PAX6: variants seen among roughly 807,000 people sequenced by gnomAD.
PAX6 encodes paired box 6, also known as paired box protein Pax-6.
In PAX6, 7 loss-of-function variants were observed where a neutral mutation model predicts 60.7. The observed-to-expected ratio is 0.12, with a 90% CI of 0.07 to 0.22. The LOEUF is 0.22. PAX6 is among the 10% of genes least tolerant of loss of function. The pLI is 1.00. For missense variants in PAX6, 355 were observed against 555.2 expected, an observed-to-expected ratio of 0.64 and a Z score of 3.62; for synonymous variants, 208 against 201.2, an observed-to-expected ratio of 1.03 and a Z score of -0.29.
intron 8 of PAX6, 76 bp downstream of exon 8, chr11:31,800,615 A>C (rs992250333): frequency 6.5e-7 from 1 of 1,541,732 alleles, no homozygotes; most frequent in East Asian, 2.2e-5. Flanking sequence ...CCCTGAGAGG[A>C]AATGGTTGGG....
At chr11:31,808,068 TA>T (rs1228897199) in intron 2 of PAX6, 4 of 151,978 alleles carry the variant, frequency 2.6e-5, no homozygotes, top group African/African-American at 9.7e-5. Flanking sequence ...AGAGTTACAA[TA>T]AAGAGCCCAT....
chr11:31,801,939 G>A lies in PAX6; in HGVS notation c.142-27C>T, dbSNP rs770956365. 1.9e-6 allele frequency: 3 copies of A among 1,595,070 alleles called. No homozygotes were observed. The East Asian group carries it at 6.7e-5, about 36-fold the overall frequency. ...TATAACACAAAAATATACCTTCAAT[G>A]GTATGAGAACTTACTGTAGAGAGCT... is the stretch of plus-strand genomic sequence containing the variant. On this transcript the variant is annotated intron_variant, in intron 5 of 13. Transcript: ENST00000640368.
chr11:31,816,417 C>A (rs1565287472), intron 1 of PAX6: 6 of 626,952 alleles, frequency 9.6e-6, no homozygotes, highest in African/African-American at 1.8e-5. Flanking sequence ...GGGCGCGGAG[C>A]GAGGACTCTG....
At chr11:31,791,058 C>T (rs1304954858) in intron 12 of PAX6, 198 bp from the exon 13 acceptor site, 1 of 700,544 alleles carries the variant, frequency 1.4e-6, no homozygotes, top group South Asian at 1.5e-5. Context: ...TAGAAGAAAG[C>T]TGCCTATGTA....
At chr11:31,792,981 A>G (rs1432145241) in intron 12 of PAX6, 12 of 437,500 alleles carry the variant, frequency 2.7e-5, no homozygotes, top group Non-Finnish European at 4.5e-5. Context: ...TTTCTTTCTC[A>G]CTAGTTTATC....
chr11:31,791,246 C>G (rs1414065510), intron 12 of PAX6: 1 of 363,918 alleles, frequency 2.7e-6, no homozygotes, highest in African/African-American at 2.1e-5. Context: ...ATTTGGGAAC[C>G]CTATGACCCC....
rs1956957500 is a variant in PAX6, at chr11:31,811,010, A to G, written c.-311T>C. 1 of 399,330 alleles carries G rather than the reference A, an allele frequency of 2.5e-6. No homozygotes were observed. Among genetic ancestry groups the G allele is most frequent in the African/African-American group, 2.1e-5 (1 of 48,766 alleles). The allele number at this position is 399,330 out of a possible 1,614,324, so 24.7% of individuals were successfully genotyped here. A position where few individuals can be genotyped will look rare whatever the true frequency, so the allele number is the denominator to read the frequency against. On this transcript the variant is annotated 5_prime_UTR_variant, in exon 2 of 14. Coordinates refer to ENST00000640368, the MANE Select transcript of PAX6 (RefSeq NM_001368894.2). ...GGGTTGGTGTGTGAGAGCAATTCTC[A>G]GATTCCTGGGAAGGAGACAGAGATT... is the stretch of plus-strand genomic sequence containing the variant.
At chr11:31,802,439 T>C (rs1450696921) in intron 5 of PAX6, 1 of 468,582 alleles carries the variant, frequency 2.1e-6, no homozygotes, top group African/African-American at 2.0e-5. Context: ...AAGAGAAAGA[T>C]TTTTTTAAAA....
intron 12 of PAX6, chr11:31,791,536 G>A (rs1333816925): frequency 1.9e-5 from 3 of 155,842 alleles, no homozygotes; most frequent in Non-Finnish European, 4.3e-5. Flanking sequence ...GCAGCACTGA[G>A]GAGGTAAACC....
chr11:31,798,959 G>C (rs775046344), intron 8 of PAX6, among the ~76,000 whole-genome samples: 13 of 152,248 alleles, frequency 8.5e-5, no homozygotes, highest in Non-Finnish European at 1.3e-4. Context: ...GCCCGGAGTG[G>C]AGGCTCTGGG....
intron 8 of PAX6, 70 bp from the exon 9 acceptor site, chr11:31,794,858 T>C (rs576311403): frequency 2.5e-4 from 360 of 1,457,248 alleles, no homozygotes; most frequent in Middle Eastern, 1.7e-4. Flanking sequence ...GGGCCTGGTG[T>C]AGTCTTAAAC....
At chr11:31,793,088 C>T (rs1950395597) in intron 12 of PAX6, 6 of 600,206 alleles carry the variant, frequency 1.0e-5, no homozygotes, top group Admixed American at 2.9e-5. Flanking sequence ...TACTAATCTG[C>T]TATCTGATAA....
chr11:31,800,902 G>C (rs756670014), intron 7 of PAX6, 46 bp from the exon 8 acceptor site: 2 of 1,592,554 alleles, frequency 1.3e-6, no homozygotes, highest in South Asian at 1.1e-5. Flanking sequence ...GTCTCCTGAA[G>C]ACACAGTCAC....
intron 8 of PAX6, 57 bp downstream of exon 8, chr11:31,800,634 G>A: frequency 3.1e-6 from 5 of 1,592,632 alleles, no homozygotes; most frequent in Non-Finnish European, 4.3e-6. Flanking sequence ...GGAGAGTAGG[G>A]GACAGGCAAA....
Position 31,789,625 on chromosome 11 carries a change from C to T in PAX6, c.*309G>A. 1.5e-6 allele frequency: 1 copy of T among 679,778 alleles called. No homozygotes were observed. The highest frequency in any genetic ancestry group is 1.6e-5 in the South Asian group (1 of 63,054). The allele number at this position is 679,778 out of a possible 1,614,324, so 42.1% of individuals were successfully genotyped here. ...TGACCAACACAGATCAAACATCCATCCAGTCTACATTGTTCTTTTTTTCAT... is the reference window on the plus strand; with the variant it reads ...TGACCAACACAGATCAAACATCCATTCAGTCTACATTGTTCTTTTTTTCAT... On this transcript the variant is annotated 3_prime_UTR_variant, in exon 14 of 14. Coordinates refer to ENST00000640368, the MANE Select transcript of PAX6 (RefSeq NM_001368894.2).
chr11:31,817,192 T>G lies in PAX6; in HGVS notation c.-317+617A>C, dbSNP rs1957421221. On this transcript the variant is annotated intron_variant, in intron 1 of 12. Coordinates refer to the PAX6 transcript ENST00000241001. ...TCGCTAATTATTAGGTCTTCCGAAGTGAAGCTCAAATCACACGCTGGGAGC... is the reference window on the plus strand; with the variant it reads ...TCGCTAATTATTAGGTCTTCCGAAGGGAAGCTCAAATCACACGCTGGGAGC... Among the ~76,000 whole-genome samples the G allele has an allele frequency of 1.3e-5, 2 of 152,266 alleles. 1 individual carries two copies. Among genetic ancestry groups the G allele is most frequent in the South Asian group, 4.1e-4 (2 of 4,836 alleles).
chr11:31,803,175 C>G, intron 4 of PAX6: 1 of 384,360 alleles, frequency 2.6e-6, no homozygotes, highest in East Asian at 5.8e-5. Context: ...TGCCAAGGAA[C>G]AAGTACACAT....
At chr11:31,797,629 A>T (rs1253250120) in intron 8 of PAX6, among the ~76,000 whole-genome samples, 1 of 151,774 alleles carries the variant, frequency 6.6e-6, no homozygotes, top group Non-Finnish European at 1.5e-5. Context: ...ACAGTTCATT[A>T]CTTTAGAAGT....
chr11:31,793,355 C>T (rs756893240), intron 12 of PAX6, 83 bp downstream of exon 12: 6 of 1,159,832 alleles, frequency 5.2e-6, no homozygotes, highest in Non-Finnish European at 7.8e-6. Context: ...GGTGCAGACA[C>T]AGCCAATGAG....
Sources: allele counts gnomAD v4.1 joint callset (sites outside exome capture counted in the v4.1 genomes callset), GRCh38; gene constraint gnomAD v4.1.1; transcripts MANE v1.5; gene names NCBI Gene and HGNC (gene_info 2026-07-23, HGNC 2026-07-21).